ASIC2: variants seen among roughly 807,000 people sequenced by gnomAD.
ASIC2 encodes acid sensing ion channel subunit 2.
ASIC2 carries 25 observed loss-of-function variants against 57.3 expected under a neutral mutation model. That is an observed-to-expected ratio of 0.44 (90% CI 0.32 to 0.61). The LOEUF (loss-of-function observed/expected upper bound fraction) is 0.61, where lower values mean the gene tolerates loss of function less well. Ranked by LOEUF, ASIC2 falls within the 20% of genes least tolerant of loss-of-function variation. ASIC2 has a pLI of 0.06. For missense variants in ASIC2, 641 were observed against 738.1 expected (o/e 0.87, Z 1.52); for synonymous variants, 319 against 307.5 (o/e 1.04, Z -0.39).
chr17:33,910,513 C>T (rs369670206), intron 1 of ASIC2, among the ~76,000 whole-genome samples: 1 of 152,126 alleles, frequency 6.6e-6, no homozygotes, highest in Non-Finnish European at 1.5e-5. Context: ...ACATCTCATC[C>T]CCAGGTTGGC....
chr17:33,082,990 T>C (rs2092119357), intron 3 of ASIC2, among the ~76,000 whole-genome samples: 1 of 152,218 alleles, frequency 6.6e-6, no homozygotes, highest in Non-Finnish European at 1.5e-5. Context: ...TTGCTTTGAT[T>C]AGCTTGTCTA....
At chr17:33,613,104 A>AG (rs1386508125) in intron 1 of ASIC2, among the ~76,000 whole-genome samples, 2 of 152,202 alleles carry the variant, frequency 1.3e-5, no homozygotes, top group African/African-American at 4.8e-5. Context: ...AAACAAAATG[A>AG]CAGTCACTAG....
At chr17:33,886,101 T>C (rs1414061678) in intron 1 of ASIC2, among the ~76,000 whole-genome samples, 1 of 152,186 alleles carries the variant, frequency 6.6e-6, no homozygotes, top group African/African-American at 2.4e-5. Flanking sequence ...AAAATTTTAG[T>C]GGCTTTCCAA....
chr17:34,058,130 A>G (rs1442439730), intron 1 of ASIC2, among the ~76,000 whole-genome samples: 1 of 152,212 alleles, frequency 6.6e-6, no homozygotes, highest in Non-Finnish European at 1.5e-5. Flanking sequence ...TCTAAGTGCT[A>G]ACCTCTATAT....
At chr17:33,321,904 C>T (rs2142216271) in intron 1 of ASIC2, among the ~76,000 whole-genome samples, 2 of 152,298 alleles carry the variant, frequency 1.3e-5, no homozygotes, top group East Asian at 1.9e-4. Flanking sequence ...TTGGACCAGA[C>T]ATTTCACAGC....
chr17:33,029,378 T>C (rs1290473827), intron 3 of ASIC2, among the ~76,000 whole-genome samples: 1 of 147,642 alleles, frequency 6.8e-6, no homozygotes, highest in Non-Finnish European at 1.5e-5. Context: ...AAGCTTACAC[T>C]ATGTGCTCTT....
chr17:34,075,822 CCTTTTT>C (rs1694984542), intron 1 of ASIC2, among the ~76,000 whole-genome samples: 1 of 115,354 alleles, frequency 8.7e-6, no homozygotes, highest in African/African-American at 3.4e-5. Context: ...TTTTCTTTTT[CCTTTTT>C]TTTTTTTTTT....
At chr17:33,817,668 A>G (rs1288405079) in intron 1 of ASIC2, among the ~76,000 whole-genome samples, 4 of 152,182 alleles carry the variant, frequency 2.6e-5, no homozygotes, top group African/African-American at 4.8e-5. Flanking sequence ...ACTGTACAAT[A>G]AACCCACCCA....
At chr17:33,089,365 G>A (rs2141965801) in intron 2 of ASIC2, among the ~76,000 whole-genome samples, 1 of 152,156 alleles carries the variant, frequency 6.6e-6, no homozygotes, top group East Asian at 1.9e-4. Context: ...AGGGATGCAG[G>A]TAGCTTCTAG....
Position 34,099,714 on chromosome 17 carries a change from G to A in ASIC2, c.555+56264C>T, listed in dbSNP as rs1910760553. Among the ~76,000 whole-genome samples the A allele has an allele frequency of 2.7e-5, 3 of 109,280 alleles. No individual in the cohort carries two copies. The Admixed American group carries it at 3.1e-4, about 11-fold the overall frequency. The allele number at this position is 109,280 out of a possible 152,430, so 71.7% of individuals were successfully genotyped here. The stretch of plus-strand genomic sequence containing the variant: ...GAGAAGAAAGAAAGGAAAAAAGAAA[G>A]AAAGAAAGAAGGAAAGAAGGAAAGA... On this transcript the variant is annotated intron_variant, in intron 1 of 9. Transcript: ENST00000359872.
intron 1 of ASIC2, among the ~76,000 whole-genome samples, chr17:33,324,130 C>T (rs551612988): frequency 2.0e-5 from 3 of 152,208 alleles, no homozygotes; most frequent in East Asian, 3.9e-4. Flanking sequence ...CCTGTGTTAA[C>T]CATCTCTCAC....
At chr17:33,585,161 C>G (rs1432416405) in intron 1 of ASIC2, among the ~76,000 whole-genome samples, 1 of 152,066 alleles carries the variant, frequency 6.6e-6, no homozygotes, top group Admixed American at 6.5e-5. Flanking sequence ...TTCAAAGTGG[C>G]CTGAGCCTGA....
intron 1 of ASIC2, among the ~76,000 whole-genome samples, chr17:33,966,827 C>T (rs113393971): frequency 2.2e-4 from 33 of 152,318 alleles, no homozygotes; most frequent in Middle Eastern, 3.4e-3. Context: ...CCTTAGCTTC[C>T]GCAATCTGGA....
chr17:33,124,612 G>T (rs1232894685), intron 1 of ASIC2, among the ~76,000 whole-genome samples: 1 of 152,178 alleles, frequency 6.6e-6, no homozygotes, highest in Non-Finnish European at 1.5e-5. Context: ...AGTGGGGAAG[G>T]GTTTGAGCAG....
At chr17:33,358,628 G>T (rs1354734241) in intron 1 of ASIC2, among the ~76,000 whole-genome samples, 2 of 152,134 alleles carry the variant, frequency 1.3e-5, no homozygotes, top group African/African-American at 4.8e-5. Context: ...TTAAATAAGA[G>T]ACTAAACAAT....
At chr17:33,848,146 A>G (rs1913663213) in intron 1 of ASIC2, among the ~76,000 whole-genome samples, 1 of 152,192 alleles carries the variant, frequency 6.6e-6, no homozygotes. Flanking sequence ...GAGGGTGGTC[A>G]AGGCAACCAG....
intron 1 of ASIC2, among the ~76,000 whole-genome samples, chr17:33,613,546 TC>T (rs1426372255): frequency 1.3e-5 from 2 of 151,694 alleles, no homozygotes; most frequent in Admixed American, 6.6e-5. Context: ...TTGTGTTTTT[TC>T]TCGTAGAGAC....
chr17:33,808,424 T>C (rs1912328711), intron 1 of ASIC2, among the ~76,000 whole-genome samples: 1 of 152,252 alleles, frequency 6.6e-6, no homozygotes, highest in South Asian at 2.1e-4. Context: ...TCTTAATCAC[T>C]GTAGCTTCAT....
chr17:33,400,467 C>G (rs1910242257), intron 1 of ASIC2, among the ~76,000 whole-genome samples: 2 of 152,136 alleles, frequency 1.3e-5, no homozygotes, highest in Admixed American at 1.3e-4. Context: ...TGAATGTTGG[C>G]TGGAGTAGAT....
Sources: gnomAD v4.1 joint callset for allele counts (sites outside exome capture counted in the v4.1 genomes callset) on GRCh38, gnomAD v4.1.1 for gene constraint, MANE v1.5 for transcripts, NCBI Gene and HGNC (gene_info 2026-07-23, HGNC 2026-07-21) for gene names.